The following DPY19L3 variants were observed in gnomAD, a reference collection of about 807,000 sequenced individuals.
DPY19L3 encodes the protein dpy-19 like C-mannosyltransferase 3, also known as protein C-mannosyl-transferase DPY19L3.
A neutral mutation model predicts 92.3 loss-of-function variants in DPY19L3; 51 were observed. The observed-to-expected ratio is 0.55, with a 90% CI of 0.44 to 0.70. DPY19L3 has a LOEUF of 0.70. DPY19L3 is among the 30% of genes least tolerant of loss of function. The pLI is 0.00. For synonymous variants in DPY19L3, 309 were observed against 315.2 expected (o/e 0.98, Z 0.21); for missense variants, 706 against 855.9 (o/e 0.82, Z 2.18).
chr19:32,433,596 G>A (rs1969041276), intron 4 of DPY19L3, among the ~76,000 whole-genome samples: 3 of 151,880 alleles, frequency 2.0e-5, no homozygotes, highest in Admixed American at 2.0e-4. Context: ...GTTTTGTTTT[G>A]TTTCTCTGTG....
intron 16 of DPY19L3, among the ~76,000 whole-genome samples, chr19:32,469,808 A>G (rs1450634675): frequency 6.6e-6 from 1 of 152,244 alleles, no homozygotes; most frequent in Non-Finnish European, 1.5e-5. Flanking sequence ...GCCTCCCACC[A>G]GCAAAAATAA....
intron 16 of DPY19L3, among the ~76,000 whole-genome samples, chr19:32,470,228 A>G (rs74820187): frequency 9.6e-4 from 147 of 152,376 alleles, no homozygotes; most frequent in African/African-American, 3.3e-3. Flanking sequence ...AGACGATTAC[A>G]GAGTAAATAA....
At chr19:32,460,894 A>T (rs4805761) in intron 12 of DPY19L3, among the ~76,000 whole-genome samples, 5 of 151,942 alleles carry the variant, frequency 3.3e-5, no homozygotes, top group Non-Finnish European at 7.4e-5. Flanking sequence ...TTTGAAATGC[A>T]TCTCGCTCTT....
chr19:32,484,001 A>T lies in DPY19L3; in HGVS notation c.*1761A>T, dbSNP rs561397784. The T allele has an allele frequency of 6.5e-6, 1 of 152,728 alleles. No homozygotes were observed. The highest frequency in any genetic ancestry group is 2.1e-4 in the South Asian group (1 of 4,828). 9.5% of individuals were successfully genotyped at this position (152,728 alleles called of 1,614,324 possible). ...AAAATCCTCTGTTATGGCTATATTT[A>T]AATTTATTTTAAATATTCCTGTATG... On this transcript the variant is annotated 3_prime_UTR_variant, in exon 19 of 19. Transcript: ENST00000392250.
chr19:32,431,224 A>G (rs1430228264), intron 3 of DPY19L3, among the ~76,000 whole-genome samples: 1 of 152,102 alleles, frequency 6.6e-6, no homozygotes, highest in African/African-American at 2.4e-5. Context: ...TACTAAAAAT[A>G]CCAAATTAGC....
chr19:32,440,930 AG>A (rs1415915278), intron 8 of DPY19L3, among the ~76,000 whole-genome samples: 1 of 151,750 alleles, frequency 6.6e-6, no homozygotes, highest in Non-Finnish European at 1.5e-5. Context: ...GTGGGATGTC[AG>A]GGGTGGGGGC....
intron 10 of DPY19L3, among the ~76,000 whole-genome samples, chr19:32,456,576 G>A (rs2043667957): frequency 6.6e-6 from 1 of 151,596 alleles, no homozygotes; most frequent in South Asian, 2.1e-4. Flanking sequence ...TGGGACTACA[G>A]GTGTGTGCCA....
chr19:32,441,494 C>CTTTTT (rs11326098), intron 8 of DPY19L3, among the ~76,000 whole-genome samples: 21 of 130,210 alleles, frequency 1.6e-4, no homozygotes, highest in African/African-American at 1.8e-4. Flanking sequence ...ACATGTGTCT[C>CTTTTT]TTTTTTTTTT....
intron 3 of DPY19L3, among the ~76,000 whole-genome samples, chr19:32,427,411 A>C (rs377718609): frequency 6.6e-5 from 10 of 152,342 alleles, no homozygotes; most frequent in East Asian, 5.8e-4. Flanking sequence ...TCCTTTGGCT[A>C]TAAGCACCAA....
At chr19:32,406,978 A>C (rs545402644) in intron 1 of DPY19L3, among the ~76,000 whole-genome samples, 1 of 149,032 alleles carries the variant, frequency 6.7e-6, no homozygotes, top group Non-Finnish European at 1.5e-5. Context: ...GCTTGAAAGC[A>C]CAGTACTTAA....
intron 8 of DPY19L3, 28 bp from the exon 9 acceptor site, chr19:32,453,117 G>C: frequency 6.2e-7 from 1 of 1,612,830 alleles, no homozygotes; most frequent in Non-Finnish European, 8.5e-7. Flanking sequence ...TAAAATGTCT[G>C]TACTCATCTA....
In DPY19L3 at chr19:32,480,383, T is replaced by G. The variant is rs367921407; in HGVS notation, c.1831-16T>G. ...AAGTAGCATTTGCCACATTGCATTT[T>G]TATGTCTTTTTGAAGGTTTATCAGA... On this transcript the variant is annotated splice_polypyrimidine_tract_variant and intron_variant, in intron 17 of 18. Transcript: ENST00000392250. 173 of 1,599,660 alleles carry G rather than the reference T, an allele frequency of 1.1e-4. 3 individuals carry two copies. The highest frequency in any genetic ancestry group is 9.1e-4 in the Admixed American group (52 of 56,950).
At chr19:32,407,552 T>C (rs1436594563) in intron 1 of DPY19L3, among the ~76,000 whole-genome samples, 1 of 152,178 alleles carries the variant, frequency 6.6e-6, no homozygotes, top group Non-Finnish European at 1.5e-5. Flanking sequence ...TACAACTGTG[T>C]AGTTACGTGA....
intron 8 of DPY19L3, among the ~76,000 whole-genome samples, chr19:32,445,075 C>CAAAAA (rs771623749): frequency 1.8e-5 from 1 of 54,608 alleles, no homozygotes; most frequent in Non-Finnish European, 3.9e-5. Flanking sequence ...GACCCAGTCT[C>CAAAAA]AAAAAAAAAA....
At chr19:32,435,589 A>G (rs1969111700) in intron 4 of DPY19L3, among the ~76,000 whole-genome samples, 1 of 152,208 alleles carries the variant, frequency 6.6e-6, no homozygotes, top group Admixed American at 6.5e-5. Flanking sequence ...TGTAGTATAT[A>G]GGAGTCTACT....
At chr19:32,408,127 T>C in intron 1 of DPY19L3, 90 bp from the exon 2 acceptor site, 2 of 661,710 alleles carry the variant, frequency 3.0e-6, no homozygotes, top group Non-Finnish European at 5.3e-6. Context: ...AGAGGGAAAA[T>C]GGCATAAGTA....
intron 3 of DPY19L3, among the ~76,000 whole-genome samples, chr19:32,428,248 A>G (rs1432644989): frequency 6.6e-6 from 1 of 152,204 alleles, no homozygotes; most frequent in African/African-American, 2.4e-5. Flanking sequence ...TTGGGGTTAC[A>G]GGTGTGAGCC....
chr19:32,466,398 G>A (rs1436044549), intron 15 of DPY19L3, among the ~76,000 whole-genome samples: 3 of 152,208 alleles, frequency 2.0e-5, no homozygotes, highest in Non-Finnish European at 4.4e-5. Flanking sequence ...TGCTGTAGCG[G>A]TCACAGGGTT....
intron 8 of DPY19L3, among the ~76,000 whole-genome samples, chr19:32,451,643 GAGA>G (rs1969703081): frequency 6.6e-6 from 1 of 152,172 alleles, no homozygotes; most frequent in Non-Finnish European, 1.5e-5. Context: ...TAATTTGAAA[GAGA>G]AGAAGAAAAC....
Sources: allele counts gnomAD v4.1 joint callset (sites outside exome capture counted in the v4.1 genomes callset), GRCh38; gene constraint gnomAD v4.1.1; transcripts MANE v1.5; gene names NCBI Gene and HGNC (gene_info 2026-07-23, HGNC 2026-07-21).